Variants in MAN1B1 observed in about 807,000 individuals in gnomAD.
MAN1B1 encodes endoplasmic reticulum mannosyl-oligosaccharide 1,2-alpha-mannosidase.
Under a neutral mutation model 75.5 loss-of-function variants are expected in MAN1B1, and 66 were observed. The observed-to-expected ratio is 0.87, with a 90% confidence interval of 0.72 to 1.07. The LOEUF (loss-of-function observed/expected upper bound fraction) is 1.07, where lower values mean the gene tolerates loss of function less well. Ranked by LOEUF, MAN1B1 falls within the 50% of genes least tolerant of loss-of-function variation. The pLI, the probability that MAN1B1 is intolerant of heterozygous loss-of-function variation, is 0.00. For synonymous variants in MAN1B1, 453 were observed against 382.8 expected, an observed-to-expected ratio of 1.18 and a Z score of -2.14; for missense variants, 973 against 912.5, an observed-to-expected ratio of 1.07 and a Z score of -0.85.
chr9:137,097,403 T>A (rs1223549213), intron 4 of MAN1B1, among the ~76,000 whole-genome samples: 1 of 152,178 alleles, frequency 6.6e-6, no homozygotes, highest in East Asian at 1.9e-4. Flanking sequence ...CAGAACTCGA[T>A]GGGGAGTTTG....
chr9:137,090,510 G>C (rs1830487210), intron 3 of MAN1B1, among the ~76,000 whole-genome samples: 1 of 152,024 alleles, frequency 6.6e-6, no homozygotes. Context: ...CCATGAGCTT[G>C]GGCCACCCTC....
chr9:137,102,754 A>C (rs1354717722), intron 8 of MAN1B1: 4 of 438,262 alleles, frequency 9.1e-6, no homozygotes, highest in Admixed American at 2.5e-5. Flanking sequence ...GTGGTGTTAC[A>C]TTCACACTTG....
intron 5 of MAN1B1, among the ~76,000 whole-genome samples, chr9:137,098,710 CATT>C (rs769552813): frequency 6.6e-6 from 1 of 152,134 alleles, no homozygotes; most frequent in African/African-American, 2.4e-5. Flanking sequence ...TCAATCCACA[CATT>C]AGTCAATGTT....
intron 9 of MAN1B1, 172 bp from the exon 10 acceptor site, chr9:137,106,517 G>T (rs1831113366): frequency 1.8e-6 from 2 of 1,122,800 alleles, no homozygotes; most frequent in African/African-American, 3.1e-5. Context: ...GCCTCTGGGG[G>T]GGTGAGGGGG....
In MAN1B1 at chr9:137,090,984, G is replaced by C. The variant is rs572292933; in HGVS notation, c.465+1979G>C. Among the ~76,000 whole-genome samples the C allele has an allele frequency of 1.6e-4, 25 of 152,334 alleles. 1 individual carries two copies. In the South Asian group the frequency reaches 5.0e-3, roughly 30 times the overall value. ...TCCTGTCGCTGAGCAGCTTCTCCAA[G>C]GGTGGTCTAGCCGGGCAGAGGGTGT... On this transcript the variant is annotated intron_variant, in intron 3 of 12. Transcript: ENST00000371589.
chr9:137,087,140 G>A lies in MAN1B1; in HGVS notation c.141G>A (p.Arg47=), dbSNP rs955910342. 4.4e-6 allele frequency: 7 copies of A among 1,594,068 alleles called. No homozygotes were observed. The highest frequency in any genetic ancestry group is 6.0e-6 in the Non-Finnish European group (7 of 1,171,676). ...MYPPPPPPPH[R]DFISVTLSFG... ...CACCGCCGCCGCCGCCGCCTCATCG[G>A]GACTTCATCTCGGTGACGCTGAGCT... The change falls in exon 1 of 13, where the codon CGG becomes CGA. Residue 47 remains arginine, a synonymous_variant. Transcript: ENST00000371589.
intron 6 of MAN1B1, among the ~76,000 whole-genome samples, chr9:137,100,178 G>A (rs998870433): frequency 6.6e-6 from 1 of 152,222 alleles, no homozygotes; most frequent in Non-Finnish European, 1.5e-5. Context: ...GGGGTGGTGG[G>A]ATGAGTGACT....
At chr9:137,096,198 G>A in intron 3 of MAN1B1, 39 bp from the exon 4 acceptor site, 13 of 1,613,496 alleles carry the variant, frequency 8.1e-6, no homozygotes, top group Non-Finnish European at 1.0e-5. Flanking sequence ...GCAGCTCGCA[G>A]ACACCCCGTG....
Position 137,103,725 on chromosome 9 carries a change from TACAC to T in MAN1B1, c.1254+2057_1254+2060del, listed in dbSNP as rs1368653343. ...TTGCAGGCGTGCAGGTCCGTGGTGT[TACAC>T]ACATGCTGTTGCAGGCGTGCAGGTC... On this transcript the variant is annotated intron_variant, in intron 8 of 12. Coordinates refer to ENST00000371589, the MANE Select transcript of MAN1B1 (RefSeq NM_016219.5). 5.2e-3 allele frequency: 2,136 copies of T among 411,384 alleles called. 17 individuals are homozygous for T. Among genetic ancestry groups the T allele is most frequent in the African/African-American group, 0.025 (1,030 of 40,590 alleles). 25.5% of individuals were successfully genotyped at this position (411,384 alleles called of 1,614,324 possible).
intron 8 of MAN1B1, chr9:137,103,229 T>A (rs200038625): frequency 0.013 from 5,312 of 405,322 alleles, 79 homozygotes; most frequent in Middle Eastern, 0.045. Flanking sequence ...GTTACACACA[T>A]TCATGGTGTT....
chr9:137,088,289 A>T (rs1830429235), intron 2 of MAN1B1, 106 bp downstream of exon 2: 2 of 1,611,216 alleles, frequency 1.2e-6, no homozygotes, highest in South Asian at 1.1e-5. Flanking sequence ...ATATATGGCA[A>T]CGAATTGGCA....
chr9:137,107,468 G>A (rs941929025), intron 11 of MAN1B1, 21 bp downstream of exon 11: 1 of 1,613,272 alleles, frequency 6.2e-7, no homozygotes, highest in African/African-American at 1.3e-5. Flanking sequence ...GCCTGGGTCA[G>A]GGTCCATCAG....
chr9:137,092,345 AAATAAT>A (rs1220376232), intron 3 of MAN1B1, among the ~76,000 whole-genome samples: 15 of 151,324 alleles, frequency 9.9e-5, no homozygotes, highest in Middle Eastern at 3.4e-3. Flanking sequence ...CTGTCTCAAA[AAATAAT>A]AATAATAATT....
chr9:137,090,864 T>C (rs1376401101), intron 3 of MAN1B1, among the ~76,000 whole-genome samples: 2 of 152,106 alleles, frequency 1.3e-5, no homozygotes, highest in African/African-American at 2.4e-5. Context: ...AGAAAATGTG[T>C]CCTTTTAAAA....
intron 8 of MAN1B1, chr9:137,102,495 G>A (rs1386429177): frequency 2.3e-6 from 1 of 425,764 alleles, no homozygotes; most frequent in East Asian, 7.6e-5. Context: ...TTGCAGGCGT[G>A]CAGGTCAGTG....
Position 137,107,506 on chromosome 9 carries a change from G to T in MAN1B1, c.1765-25G>T, listed in dbSNP as rs894937403. ...GGAGGGTGCTGGCAGGGCTGGCCTT[G>T]CCCTGAGCTCTGCTCCGCCCACAGC... On this transcript the variant is annotated intron_variant, in intron 11 of 12. Coordinates refer to ENST00000371589, the MANE Select transcript of MAN1B1 (RefSeq NM_016219.5). The T allele has an allele frequency of 1.9e-6, 3 of 1,612,848 alleles. No individual in the cohort carries two copies. The African/African-American group carries it at 4.0e-5, about 22-fold the overall frequency.
At chr9:137,101,729 T>G (rs927399268) in intron 8 of MAN1B1, 57 bp downstream of exon 8, 2 of 1,553,428 alleles carry the variant, frequency 1.3e-6, no homozygotes, top group Non-Finnish European at 1.8e-6. Context: ...CTTTTGCTCA[T>G]CACAGCAGGT....
At chr9:137,094,473 C>A in intron 3 of MAN1B1, 1 of 400,316 alleles carries the variant, frequency 2.5e-6, no homozygotes, top group Non-Finnish European at 5.1e-6. Flanking sequence ...GAACTAGTGG[C>A]TCACATCTGT....
Position 137,088,988 on chromosome 9 carries a change from C to A in MAN1B1, c.448C>A (p.Pro150Thr), listed in dbSNP as rs750077096. 5.6e-6 allele frequency: 9 copies of A among 1,613,874 alleles called. No homozygotes were observed. The African/African-American group carries it at 1.2e-4, about 22-fold the overall frequency. ...GGCGGACACCGACCCTGAGAACTTA[C>A]CTGAGATTTCGTCACAGGTACTTTG... ...QKADTDPENLPEISSQKTQRH... is the reference protein window; with the variant it reads ...QKADTDPENLTEISSQKTQRH... The change falls in exon 3 of 13, where the codon CCT (proline) becomes ACT (threonine). Residue 150 changes from proline (P) to threonine (T), a missense_variant. By Grantham distance (38) the Pro-to-Thr change is conservative. Transcript: ENST00000371589.
Sources: allele counts gnomAD v4.1 joint callset (sites outside exome capture counted in the v4.1 genomes callset), GRCh38; gene constraint gnomAD v4.1.1; transcripts MANE v1.5; gene names NCBI Gene and HGNC (gene_info 2026-07-23, HGNC 2026-07-21).